Variants in SUZ12 observed in about 807,000 individuals in gnomAD.
The protein encoded by SUZ12 is SUZ12 polycomb repressive complex 2 subunit.
SUZ12 carries 17 observed loss-of-function variants against 87.3 expected under a neutral mutation model. The observed-to-expected ratio is 0.19, with a 90% CI of 0.13 to 0.29. SUZ12 has a LOEUF of 0.29. SUZ12 is among the 10% of genes least tolerant of loss of function. The pLI, the probability that SUZ12 is intolerant of heterozygous loss-of-function variation, is 1.00. For missense variants in SUZ12, 526 were observed against 912.2 expected, an observed-to-expected ratio of 0.58 and a Z score of 5.45; for synonymous variants, 253 against 312.4, an observed-to-expected ratio of 0.81 and a Z score of 2.01.
chr17:31,942,143 C>T lies in SUZ12; in HGVS notation c.386+1657C>T, dbSNP rs369310609. On this transcript the variant is annotated intron_variant, in intron 3 of 15. Transcript: ENST00000322652. Reference sequence around the variant, plus strand: ...CTGAGATGACAGGCGTGAGCCACTGCGCCCGGCCTCCGCTGGTTATTTTCA... The same window carrying T: ...CTGAGATGACAGGCGTGAGCCACTGTGCCCGGCCTCCGCTGGTTATTTTCA... Among the ~76,000 whole-genome samples the T allele has an allele frequency of 1.4e-4, 21 of 152,308 alleles. 1 individual carries two copies. The East Asian group carries it at 2.5e-3, about 18-fold the overall frequency.
intron 8 of SUZ12, among the ~76,000 whole-genome samples, chr17:31,981,553 A>C (rs538419426): frequency 6.6e-6 from 1 of 152,330 alleles, no homozygotes; most frequent in Non-Finnish European, 1.5e-5. Context: ...AGCATAAGGA[A>C]GCTCCTTTTT....
At chr17:31,989,870 A>G (rs1336801997) in intron 10 of SUZ12, among the ~76,000 whole-genome samples, 1 of 151,694 alleles carries the variant, frequency 6.6e-6, no homozygotes. Flanking sequence ...TGGCCTCCCA[A>G]AGTGCTGGGA....
chr17:31,969,505 G>T (rs1908290760), intron 5 of SUZ12, among the ~76,000 whole-genome samples: 1 of 151,160 alleles, frequency 6.6e-6, no homozygotes, highest in Non-Finnish European at 1.5e-5. Context: ...ATGTTTGCCA[G>T]TCTGGACTCA....
rs1906435989 is a variant in SUZ12, at chr17:31,943,618, C to A, written c.386+3132C>A. Among the ~76,000 whole-genome samples the A allele has an allele frequency of 2.0e-5, 3 of 152,040 alleles. No homozygotes were observed. The South Asian group carries it at 6.2e-4, about 32-fold the overall frequency. On this transcript the variant is annotated intron_variant, in intron 3 of 15. Coordinates refer to ENST00000322652, the MANE Select transcript of SUZ12 (RefSeq NM_015355.4). ...GGCTGTACAAAAACAGGCGATAGGC[C>A]AGATTTGACCATGGTCCATAGTTTC...
chr17:32,000,313 A>G lies in SUZ12; in HGVS notation c.*1310A>G, dbSNP rs1412223906. 1 of 232,854 alleles carries G rather than the reference A, an allele frequency of 4.3e-6. No homozygotes were observed. The highest frequency in any genetic ancestry group is 2.2e-5 in the African/African-American group (1 of 45,326). The allele number at this position is 232,854 out of a possible 1,614,324, so 14.4% of individuals were successfully genotyped here. A position where few individuals can be genotyped will look rare whatever the true frequency, so the allele number is the denominator to read the frequency against. On this transcript the variant is annotated 3_prime_UTR_variant, in exon 16 of 16. Transcript: ENST00000322652. ...GTTCCCTATTTTGTTTAATGAAGGGATATATAAGCTTTCTAATGGTGTCTT... is the reference window on the plus strand; with the variant it reads ...GTTCCCTATTTTGTTTAATGAAGGGGTATATAAGCTTTCTAATGGTGTCTT...
intron 4 of SUZ12, among the ~76,000 whole-genome samples, chr17:31,962,997 A>G (rs1361854179): frequency 6.6e-6 from 1 of 152,240 alleles, no homozygotes; most frequent in Non-Finnish European, 1.5e-5. Flanking sequence ...TAATTCTGCT[A>G]TGTAAGGTAG....
intron 4 of SUZ12, among the ~76,000 whole-genome samples, chr17:31,959,417 C>T (rs1321648490): frequency 2.6e-5 from 4 of 152,146 alleles, no homozygotes; most frequent in Non-Finnish European, 4.4e-5. Flanking sequence ...ACATCATCCA[C>T]CATTGAGCTT....
chr17:31,970,859 T>A (rs10221255), intron 5 of SUZ12, among the ~76,000 whole-genome samples: 1 of 152,150 alleles, frequency 6.6e-6, no homozygotes, highest in East Asian at 1.9e-4. Context: ...CAAAAAATTT[T>A]TTTTGTGTGT....
intron 10 of SUZ12, among the ~76,000 whole-genome samples, chr17:31,991,385 C>T (rs564714): frequency 0.099 from 15,054 of 151,328 alleles, 1,037 homozygotes; most frequent in Middle Eastern, 0.15. Flanking sequence ...TAAGAAATGG[C>T]TTGTGTCAGG....
chr17:31,998,895 A>G lies in SUZ12; in HGVS notation c.2112A>G (p.Glu704=). The change falls in exon 16 of 16, where the codon GAA becomes GAG. Residue 704 remains glutamate (E), a synonymous_variant. Coordinates refer to ENST00000322652, the MANE Select transcript of SUZ12 (RefSeq NM_015355.4). ...ASPANEEITE[E]QNGTANGFSE... ...CTGCAAACGAAGAAATAACTGAAGA[A>G]CAAAATGGGACAGCAAATGGATTTA... is the stretch of plus-strand genomic sequence containing the variant. 6.2e-7 allele frequency: 1 copy of G among 1,613,704 alleles called. No individual in the cohort carries two copies. The highest frequency in any genetic ancestry group is 8.5e-7 in the Non-Finnish European group (1 of 1,179,926).
Position 31,998,898 on chromosome 17 carries a change from A to T in SUZ12, c.2115A>T (p.Gln705His). Residue 705 changes from glutamine to histidine, a missense_variant, in exon 16 of 16, where the codon CAA becomes CAT. Physicochemically the swap from Gln to His is conservative, Grantham distance 24. Around this residue, in one of 9 missense-constraint regions of SUZ12, gnomAD observed 56 missense variants for 56.6 expected, o/e 0.99. Coordinates refer to ENST00000322652, the MANE Select transcript of SUZ12 (RefSeq NM_015355.4). ...CAAACGAAGAAATAACTGAAGAACAAAATGGGACAGCAAATGGATTTAGTG... is the reference window on the plus strand; with the variant it reads ...CAAACGAAGAAATAACTGAAGAACATAATGGGACAGCAAATGGATTTAGTG... ...SPANEEITEE[Q>H]NGTANGFSEI... The T allele has an allele frequency of 6.2e-7, 1 of 1,613,746 alleles. No individual in the cohort carries two copies. Among genetic ancestry groups the T allele is most frequent in the Non-Finnish European group, 8.5e-7 (1 of 1,179,934 alleles).
intron 4 of SUZ12, among the ~76,000 whole-genome samples, chr17:31,951,170 C>A (rs2142134686): frequency 6.6e-6 from 1 of 152,306 alleles, no homozygotes; most frequent in South Asian, 2.1e-4. Flanking sequence ...ATTCCTTTAG[C>A]ACTGCCAAAG....
At chr17:31,965,423 T>A (rs1381316993) in intron 4 of SUZ12, among the ~76,000 whole-genome samples, 3 of 152,220 alleles carry the variant, frequency 2.0e-5, no homozygotes, top group African/African-American at 7.2e-5. Context: ...CCATGCTTAT[T>A]GTTTTTTTCT....
intron 6 of SUZ12, among the ~76,000 whole-genome samples, chr17:31,974,865 G>A (rs575569785): frequency 2.6e-4 from 39 of 152,176 alleles, no homozygotes; most frequent in South Asian, 8.3e-4. Flanking sequence ...CATTTTCAGT[G>A]TAACTAATCA....
At chr17:31,996,921 T>C (rs1340655842) in intron 15 of SUZ12, 44 bp downstream of exon 15, 3 of 1,197,096 alleles carry the variant, frequency 2.5e-6, no homozygotes, top group Admixed American at 3.3e-5. Context: ...TTATTCTTTA[T>C]GGTCTTTTGC....
chr17:31,940,618 C>G, intron 3 of SUZ12, 132 bp downstream of exon 3: 1 of 1,394,120 alleles, frequency 7.2e-7, no homozygotes. Context: ...AAGATGAAAA[C>G]TGAAGTGAGA....
intron 4 of SUZ12, among the ~76,000 whole-genome samples, chr17:31,962,524 G>T (rs1397719246): frequency 6.6e-6 from 1 of 152,178 alleles, no homozygotes; most frequent in African/African-American, 2.4e-5. Flanking sequence ...CTGGAAATTG[G>T]AGGTTGCAGT....
intron 4 of SUZ12, among the ~76,000 whole-genome samples, chr17:31,950,989 C>G (rs1906943681): frequency 1.3e-5 from 2 of 152,180 alleles, no homozygotes; most frequent in Admixed American, 6.5e-5. Flanking sequence ...ACCGTGTTAG[C>G]CAGGATGGTC....
In SUZ12 at chr17:31,993,870, C is replaced by G. The variant is rs747495376; in HGVS notation, c.1299C>G (p.Leu433=). ...TTTTTTTTAATTGTTTTTAGTTTCT[C>G]TATAACAACAATACAAGGCAACAAA... ...RQKLRIFYQF[L]YNNNTRQQTE... Residue 433 remains leucine (L), a synonymous_variant, in exon 12 of 16, where the codon CTC becomes CTG. Coordinates refer to ENST00000322652, the MANE Select transcript of SUZ12 (RefSeq NM_015355.4). The G allele has an allele frequency of 3.1e-6, 5 of 1,596,488 alleles. No homozygotes were observed. The highest frequency in any genetic ancestry group is 4.3e-6 in the Non-Finnish European group (5 of 1,174,276).
Sources: gnomAD v4.1 joint callset for allele counts (sites outside exome capture counted in the v4.1 genomes callset) on GRCh38, gnomAD v4.1.1 for gene constraint, gnomAD v4.1.1 regional missense constraint, MANE v1.5 for transcripts, NCBI Gene and HGNC (gene_info 2026-07-23, HGNC 2026-07-21) for gene names.